The following MAPK8 variants were observed in gnomAD, a reference collection of about 807,000 sequenced individuals.
MAPK8 encodes the protein mitogen-activated protein kinase 8.
Under a neutral mutation model 52.9 loss-of-function variants are expected in MAPK8, and 13 were observed. The ratio of observed to expected loss-of-function variants is 0.25; its 90% confidence interval spans 0.16 to 0.39. The LOEUF (loss-of-function observed/expected upper bound fraction) is 0.39, where lower values mean the gene tolerates loss of function less well. Among genes scored for constraint, MAPK8 ranks in the 10% least tolerant of loss-of-function variants. The pLI is 1.00. For missense variants in MAPK8, 300 were observed against 519.2 expected (o/e 0.58, Z 4.10); for synonymous variants, 191 against 169.8 (o/e 1.12, Z -0.97).
At chr10:48,429,517 A>G (rs1316793457) in intron 10 of MAPK8, among the ~76,000 whole-genome samples, 1 of 152,174 alleles carries the variant, frequency 6.6e-6, no homozygotes, top group Non-Finnish European at 1.5e-5. Flanking sequence ...AAAGCCATTA[A>G]TTACAGATGG....
intron 1 of MAPK8, among the ~76,000 whole-genome samples, chr10:48,344,715 A>C (rs963674066): frequency 1.3e-5 from 2 of 152,238 alleles, no homozygotes; most frequent in Non-Finnish European, 2.9e-5. Context: ...AAAATTAATT[A>C]AAAATTTTCT....
chr10:48,371,726 C>T (rs1477392536), intron 1 of MAPK8, among the ~76,000 whole-genome samples: 1 of 152,070 alleles, frequency 6.6e-6, no homozygotes, highest in Non-Finnish European at 1.5e-5. Context: ...AGGTCTCAGT[C>T]CCACAACACT....
chr10:48,369,190 A>G (rs1848331196), intron 1 of MAPK8, among the ~76,000 whole-genome samples: 1 of 152,172 alleles, frequency 6.6e-6, no homozygotes, highest in South Asian at 2.1e-4. Context: ...AACTAAAGGA[A>G]GGGGACCTCT....
intron 1 of MAPK8, among the ~76,000 whole-genome samples, chr10:48,327,247 G>C (rs549895992): frequency 6.6e-6 from 1 of 152,028 alleles, no homozygotes; most frequent in Non-Finnish European, 1.5e-5. Flanking sequence ...AAATCAAATT[G>C]AGGAAATTCT....
In MAPK8 at chr10:48,437,390, A is replaced by G. The variant is rs567311884; in HGVS notation, c.*2361A>G. On this transcript the variant is annotated 3_prime_UTR_variant, in exon 12 of 12. Transcript: ENST00000374189. ...AAGAGAAGTTACAAATAACATTTCT[A>G]TCAGGTAGTACTTGTATGAAACCAC... 1.5e-4 allele frequency: 23 copies of G among 152,312 alleles called. No individual in the cohort carries two copies. The highest frequency in any genetic ancestry group is 4.8e-4 in the African/African-American group (20 of 41,574). 9.4% of individuals were successfully genotyped at this position (152,312 alleles called of 1,614,324 possible).
intron 1 of MAPK8, among the ~76,000 whole-genome samples, chr10:48,364,193 A>G (rs751086134): frequency 2.6e-5 from 4 of 152,154 alleles, no homozygotes; most frequent in Non-Finnish European, 5.9e-5. Flanking sequence ...GTGGAGGGAA[A>G]TACCAGGATG....
chr10:48,401,843 G>A (rs1436241897), intron 2 of MAPK8, 61 bp downstream of exon 2: 17 of 1,289,004 alleles, frequency 1.3e-5, no homozygotes, highest in South Asian at 1.0e-4. Flanking sequence ...TTCTCCTCTC[G>A]TAATTTAGAT....
At chr10:48,315,467 A>G (rs193067342) in intron 1 of MAPK8, among the ~76,000 whole-genome samples, 2 of 152,312 alleles carry the variant, frequency 1.3e-5, no homozygotes, top group Admixed American at 6.5e-5. Context: ...TTTATAGAAT[A>G]AGTGACAGCT....
At chr10:48,407,778 C>T (rs1311208470) in intron 3 of MAPK8, among the ~76,000 whole-genome samples, 1 of 152,116 alleles carries the variant, frequency 6.6e-6, no homozygotes, top group Non-Finnish European at 1.5e-5. Flanking sequence ...ATTCCCCTAC[C>T]TCCCATCCTT....
chr10:48,352,010 A>G (rs1424361972), intron 1 of MAPK8, among the ~76,000 whole-genome samples: 1 of 152,184 alleles, frequency 6.6e-6, no homozygotes, highest in Non-Finnish European at 1.5e-5. Flanking sequence ...AAAGGATACT[A>G]TTTTTAAAAA....
intron 1 of MAPK8, among the ~76,000 whole-genome samples, chr10:48,397,891 G>A (rs1012807027): frequency 2.0e-5 from 3 of 152,028 alleles, no homozygotes; most frequent in African/African-American, 7.2e-5. Flanking sequence ...GTACCAGGCC[G>A]GAATAGTTCA....
intron 1 of MAPK8, among the ~76,000 whole-genome samples, chr10:48,348,974 G>A (rs1267389820): frequency 6.7e-6 from 1 of 149,962 alleles, no homozygotes; most frequent in Non-Finnish European, 1.5e-5. Context: ...AGCAGGGGTT[G>A]CGATTCTAGT....
chr10:48,382,587 G>C (rs921673303), intron 1 of MAPK8, among the ~76,000 whole-genome samples: 2 of 151,738 alleles, frequency 1.3e-5, no homozygotes. Flanking sequence ...TATGCCTGAA[G>C]CCCTTACCAA....
intron 1 of MAPK8, among the ~76,000 whole-genome samples, chr10:48,389,882 A>C (rs932246186): frequency 1.3e-5 from 2 of 152,120 alleles, no homozygotes; most frequent in African/African-American, 4.8e-5. Flanking sequence ...TAGGCTAGTC[A>C]AGTAAGGCAT....
At chr10:48,414,784 A>G (rs1028882872) in intron 5 of MAPK8, among the ~76,000 whole-genome samples, 1 of 151,650 alleles carries the variant, frequency 6.6e-6, no homozygotes, top group African/African-American at 2.4e-5. Context: ...GTCTTGCCAT[A>G]TTGCCCAGGC....
intron 6 of MAPK8, among the ~76,000 whole-genome samples, chr10:48,422,658 C>G (rs1341585239): frequency 2.0e-5 from 3 of 151,966 alleles, no homozygotes; most frequent in Non-Finnish European, 4.4e-5. Context: ...AGATTTTTGT[C>G]AAAAACGGAA....
At chr10:48,348,709 T>G (rs1419438147) in intron 1 of MAPK8, among the ~76,000 whole-genome samples, 2 of 152,154 alleles carry the variant, frequency 1.3e-5, no homozygotes. Context: ...ATGTGTGGTG[T>G]TATTTCTGAG....
At chr10:48,427,250 G>A (rs1184258686) in intron 10 of MAPK8, 107 bp downstream of exon 10, 5 of 670,264 alleles carry the variant, frequency 7.5e-6, no homozygotes, top group East Asian at 3.0e-5. Context: ...ATGCATAACC[G>A]AAATGTGGTA....
chr10:48,388,200 C>A (rs941905429), intron 1 of MAPK8, among the ~76,000 whole-genome samples: 8 of 152,128 alleles, frequency 5.3e-5, no homozygotes, highest in Admixed American at 3.3e-4. Context: ...TCTTACTAAT[C>A]GTGTATTTGT....
Sources: gnomAD v4.1 joint callset for allele counts (sites outside exome capture counted in the v4.1 genomes callset) on GRCh38, gnomAD v4.1.1 for gene constraint, MANE v1.5 for transcripts, NCBI Gene and HGNC (gene_info 2026-07-23, HGNC 2026-07-21) for gene names.